Variants in RSF1 observed in about 807,000 individuals in gnomAD.
RSF1 encodes remodeling and spacing factor 1.
Under a neutral mutation model 145.2 loss-of-function variants are expected in RSF1, and 13 were observed. The observed-to-expected ratio is 0.09, with a 90% CI of 0.06 to 0.14. RSF1 has a LOEUF of 0.14. Among genes scored for constraint, RSF1 ranks in the 10% least tolerant of loss-of-function variants. The pLI is 1.00. For synonymous variants in RSF1, 577 were observed against 592.6 expected (o/e 0.97, Z 0.38); for missense variants, 1,517 against 1,718.2 (o/e 0.88, Z 2.07).
chr11:77,762,535 T>G (rs1185487882), intron 2 of RSF1: 1 of 152,202 alleles, frequency 6.6e-6, no homozygotes. Flanking sequence ...AGGTACTTTC[T>G]ATTACAGTAG....
At chr11:77,829,854 G>A in the RSF1 span, 1 of 152,230 alleles carries the variant, frequency 6.6e-6, no homozygotes, top group African/African-American at 2.4e-5. Flanking sequence ...AATCAAGTCT[G>A]GGCACAGTTG....
At chr11:77,713,779 T>C (rs975773564) in intron 5 of RSF1, among the ~76,000 whole-genome samples, 1 of 152,208 alleles carries the variant, frequency 6.6e-6, no homozygotes, top group Admixed American at 6.5e-5. Context: ...GATGTTTATC[T>C]TAATCTTTTT....
rs59293034 is a variant in RSF1, at chr11:77,744,448, G to A, written c.372+2588C>T. Among the ~76,000 whole-genome samples, 293 of 152,222 alleles carry A rather than the reference G, an allele frequency of 1.9e-3. 2 individuals carry two copies. The highest frequency in any genetic ancestry group is 6.8e-3 in the Middle Eastern group (2 of 294). On this transcript the variant is annotated intron_variant, in intron 3 of 15. Transcript: ENST00000308488. ...CCAGCAGCTAGGTCTACAGGTACAC[G>A]CCACAACACCCAGCTAGCTAGCTTT... is the stretch of plus-strand genomic sequence containing the variant.
chr11:77,673,418 T>A (rs553063514), intron 14 of RSF1, among the ~76,000 whole-genome samples: 2 of 152,228 alleles, frequency 1.3e-5, no homozygotes, highest in Non-Finnish European at 2.9e-5. Flanking sequence ...TATTCTTTTG[T>A]GGATTTCAAA....
chr11:77,724,991 A>C (rs1280095473), intron 5 of RSF1, among the ~76,000 whole-genome samples: 3 of 152,184 alleles, frequency 2.0e-5, no homozygotes, highest in African/African-American at 7.2e-5. Flanking sequence ...CTGTCACAAA[A>C]GTGCAAGCAT....
At chr11:77,685,443 G>A (rs894607477) in intron 9 of RSF1, among the ~76,000 whole-genome samples, 2 of 152,078 alleles carry the variant, frequency 1.3e-5, no homozygotes, top group Non-Finnish European at 2.9e-5. Context: ...TTACAGGTGA[G>A]AGCCACCACA....
chr11:77,669,747 T>C (rs183542185), intron 15 of RSF1, among the ~76,000 whole-genome samples: 212 of 152,318 alleles, frequency 1.4e-3, no homozygotes, highest in South Asian at 3.7e-3. Flanking sequence ...GCAGGCCCTA[T>C]AGTCTCAGTC....
At chr11:77,714,987 G>A (rs1960773091) in intron 5 of RSF1, among the ~76,000 whole-genome samples, 1 of 151,996 alleles carries the variant, frequency 6.6e-6, no homozygotes, top group Non-Finnish European at 1.5e-5. Context: ...AGCTGGACAT[G>A]GTGGCACATG....
rs10688175 is a variant in RSF1, at chr11:77,813,820, GACAC to G, written c.187+6704_187+6707del. The G allele has an allele frequency of 3.5e-3, 594 of 169,336 alleles. 3 individuals are homozygous for G. The highest frequency in any genetic ancestry group is 0.01 in the African/African-American group (412 of 39,752). 10.5% of individuals were successfully genotyped at this position (169,336 alleles called of 1,614,324 possible). On this transcript the variant is annotated intron_variant, in intron 1 of 15. Coordinates refer to ENST00000308488, the MANE Select transcript of RSF1 (RefSeq NM_016578.4). Reference sequence around the variant, plus strand: ...AGCGGCCATTTATAATTTGTAAAAGGACACACACACACACACACACACACACACA... The same window carrying G: ...AGCGGCCATTTATAATTTGTAAAAGGACACACACACACACACACACACACA...
At chr11:77,741,473 G>T (rs1265881953) in intron 3 of RSF1, among the ~76,000 whole-genome samples, 1 of 152,062 alleles carries the variant, frequency 6.6e-6, no homozygotes, top group Non-Finnish European at 1.5e-5. Flanking sequence ...GCGGTGAGCT[G>T]TGATCTCGCC....
chr11:77,723,814 C>T (rs1960990873), intron 5 of RSF1, among the ~76,000 whole-genome samples: 2 of 152,124 alleles, frequency 1.3e-5, no homozygotes, highest in African/African-American at 4.8e-5. Context: ...GCAAAGAAAA[C>T]ATAATAAGGA....
intron 3 of RSF1, among the ~76,000 whole-genome samples, chr11:77,746,640 G>C (rs1212795251): frequency 6.6e-6 from 1 of 152,170 alleles, no homozygotes; most frequent in East Asian, 1.9e-4. Flanking sequence ...AATCAAGTTG[G>C]TTTGGTTATG....
the RSF1 span, among the ~76,000 whole-genome samples, chr11:77,859,166 G>A: frequency 6.6e-6 from 1 of 152,200 alleles, no homozygotes; most frequent in African/African-American, 2.4e-5. Context: ...GTCCTCCTGA[G>A]GTTCCCCATT....
At position 77,796,755 on chromosome 11, in the gene RSF1, A is replaced by T. The variant is rs559738469; in HGVS notation, c.187+23773T>A. On this transcript the variant is annotated intron_variant, in intron 1 of 15. Transcript: ENST00000308488. ...CAAATAACATGATTATACATTTAGA[A>T]AATCCCATCGTCTCAATCCAAAATC... is the stretch of plus-strand genomic sequence containing the variant. Among the ~76,000 whole-genome samples the T allele has an allele frequency of 3.9e-5, 6 of 152,318 alleles. No individual in the cohort carries two copies. The East Asian group carries it at 9.6e-4, about 24-fold the overall frequency.
In RSF1 at chr11:77,700,811, C is replaced by T; in HGVS notation, c.2418G>A (p.Glu806=). Residue 806 remains glutamate (E), a synonymous_variant, in exon 6 of 16, where the codon GAG becomes GAA. Coordinates refer to ENST00000308488, the MANE Select transcript of RSF1 (RefSeq NM_016578.4). The stretch of plus-strand genomic sequence containing the variant: ...GCAAAGCTGTTGACTCTTCTTCCAC[C>T]TCATCTTCTCCTTCCCCTCTTTTTT... ...ADKKRGEGED[E]VEEESTALQK... 1.9e-6 allele frequency: 3 copies of T among 1,612,076 alleles called. No individual in the cohort carries two copies. Among genetic ancestry groups the T allele is most frequent in the East Asian group, 2.2e-5 (1 of 44,854 alleles).
At chr11:77,733,557 A>ATTTTTTTTTTT (rs11353278) in intron 4 of RSF1, among the ~76,000 whole-genome samples, 1 of 124,294 alleles carries the variant, frequency 8.0e-6, no homozygotes, top group Non-Finnish European at 1.7e-5. Context: ...TACATCTTTG[A>ATTTTTTTTTTT]TTTTTTTTTT....
In RSF1 at chr11:77,701,320, G is replaced by A; in HGVS notation, c.1909C>T (p.His637Tyr). Reference sequence around the variant, plus strand: ...TTTTCTGAGGCTAGTTTCTCACAGTGGTCAATGATATTAGATGGTGGAGAA... The same window carrying A: ...TTTTCTGAGGCTAGTTTCTCACAGTAGTCAATGATATTAGATGGTGGAGAA... Reference protein sequence around the residue: ...ETSPPSNIIDHCEKLASEKEV... With the variant: ...ETSPPSNIIDYCEKLASEKEV... Residue 637 changes from histidine (H) to tyrosine (Y), a missense_variant, in exon 6 of 16, where the codon CAC (histidine) becomes TAC (tyrosine). By Grantham distance (83) the His-to-Tyr change is moderately conservative. This residue lies in a region of RSF1 where 579 missense variants were observed against 553.5 expected (regional missense o/e 1.05). Transcript: ENST00000308488. 1 of 1,614,028 alleles carries A rather than the reference G, an allele frequency of 6.2e-7. No homozygotes were observed. The highest frequency in any genetic ancestry group is 8.5e-7 in the Non-Finnish European group (1 of 1,179,994).
chr11:77,819,188 GCTAT>G (rs1292409797), intron 1 of RSF1, among the ~76,000 whole-genome samples: 2 of 152,198 alleles, frequency 1.3e-5, no homozygotes, highest in Admixed American at 6.5e-5. Flanking sequence ...AAAGGAAACA[GCTAT>G]CTGTCTTGTA....
intron 2 of RSF1, among the ~76,000 whole-genome samples, chr11:77,749,968 C>G (rs1194679540): frequency 2.0e-5 from 3 of 152,008 alleles, no homozygotes; most frequent in African/African-American, 7.3e-5. Flanking sequence ...AGGCTGGTCT[C>G]GAATTCCTGA....
Sources: gnomAD v4.1 joint callset for allele counts (sites outside exome capture counted in the v4.1 genomes callset) on GRCh38, gnomAD v4.1.1 for gene constraint, gnomAD v4.1.1 regional missense constraint, MANE v1.5 for transcripts, NCBI Gene and HGNC (gene_info 2026-07-23, HGNC 2026-07-21) for gene names.